ADAMTS12: variants seen among roughly 807,000 people sequenced by gnomAD.
The protein encoded by ADAMTS12 is ADAM metallopeptidase with thrombospondin type 1 motif 12.
In ADAMTS12, 118 loss-of-function variants were observed where a neutral mutation model predicts 167.8. The ratio of observed to expected loss-of-function variants is 0.70; its 90% CI spans 0.61 to 0.82. The LOEUF (loss-of-function observed/expected upper bound fraction) is 0.82. Ranked by LOEUF, ADAMTS12 falls within the 40% of genes least tolerant of loss-of-function variation. The pLI is 0.00. For synonymous variants in ADAMTS12, 704 were observed against 716.9 expected (o/e 0.98, Z 0.29); for missense variants, 1,916 against 1,998.8 (o/e 0.96, Z 0.79).
chr5:33,600,919 T>C (rs901657241), intron 16 of ADAMTS12, among the ~76,000 whole-genome samples: 4 of 152,192 alleles, frequency 2.6e-5, no homozygotes, highest in Non-Finnish European at 5.9e-5. Context: ...GTCTCTCTTG[T>C]CAATGAGTCC....
At position 33,546,130 on chromosome 5, in the gene ADAMTS12, T is replaced by G. The variant is rs1244211383; in HGVS notation, c.4375A>C (p.Lys1459Gln). The change falls in exon 22 of 24, where the codon AAA (lysine) becomes CAA (glutamine). Residue 1459 changes from lysine to glutamine, a missense_variant. By Grantham distance (53) the Lys-to-Gln change is moderately conservative. Coordinates refer to ENST00000504830, the MANE Select transcript of ADAMTS12 (RefSeq NM_030955.4). ...CAAGACATGGTGGATGTGGGTCTTT[T>G]TGTCCAATCACAGAGGCCTCCTGGA... is the stretch of plus-strand genomic sequence containing the variant. ...FCPGGLCDWT[K>Q]RPTSTMSCNE... 6.2e-7 allele frequency: 1 copy of G among 1,614,080 alleles called. No individual in the cohort carries two copies. Among genetic ancestry groups the G allele is most frequent in the African/African-American group, 1.3e-5 (1 of 75,036 alleles).
At chr5:33,757,186 GA>G (rs1248493732) in intron 2 of ADAMTS12, among the ~76,000 whole-genome samples, 1 of 152,178 alleles carries the variant, frequency 6.6e-6, no homozygotes, top group East Asian at 1.9e-4. Flanking sequence ...GCAAAAATGT[GA>G]CCTACTTCAC....
intron 2 of ADAMTS12, among the ~76,000 whole-genome samples, chr5:33,832,767 C>T (rs1048390877): frequency 3.9e-5 from 6 of 152,242 alleles, no homozygotes; most frequent in Non-Finnish European, 7.4e-5. Context: ...AACTATAACC[C>T]ATACTTTGCT....
At chr5:33,845,513 A>G (rs1327119821) in intron 2 of ADAMTS12, among the ~76,000 whole-genome samples, 1 of 152,234 alleles carries the variant, frequency 6.6e-6, no homozygotes, top group African/African-American at 2.4e-5. Flanking sequence ...TTAAATAATG[A>G]TGTTACATTA....
chr5:33,775,709 C>G (rs1745889952), intron 2 of ADAMTS12, among the ~76,000 whole-genome samples: 1 of 152,170 alleles, frequency 6.6e-6, no homozygotes, highest in South Asian at 2.1e-4. Flanking sequence ...CTCCACATGA[C>G]CCACATCACC....
chr5:33,608,766 G>A (rs1014691646), intron 16 of ADAMTS12, among the ~76,000 whole-genome samples: 2 of 152,180 alleles, frequency 1.3e-5, no homozygotes, highest in Non-Finnish European at 2.9e-5. Context: ...CTTAGTCCCG[G>A]CCCTCCTATT....
intron 2 of ADAMTS12, among the ~76,000 whole-genome samples, chr5:33,768,663 A>T (rs563981238): frequency 6.6e-6 from 1 of 152,160 alleles, no homozygotes; most frequent in Non-Finnish European, 1.5e-5. Context: ...TGTCTTTTAT[A>T]GTAGTTGTGG....
At chr5:33,584,363 T>C (rs181381162) in intron 18 of ADAMTS12, among the ~76,000 whole-genome samples, 1 of 149,246 alleles carries the variant, frequency 6.7e-6, no homozygotes, top group East Asian at 1.9e-4. Context: ...ATGCATGAGG[T>C]TTTTTTTTTC....
chr5:33,578,314 T>C (rs1185590175), intron 18 of ADAMTS12, among the ~76,000 whole-genome samples: 4 of 152,216 alleles, frequency 2.6e-5, no homozygotes. Context: ...GGAACTGTTA[T>C]TCTGCCTCCC....
At chr5:33,734,840 G>A (rs1056834624) in intron 3 of ADAMTS12, among the ~76,000 whole-genome samples, 1 of 152,210 alleles carries the variant, frequency 6.6e-6, no homozygotes, top group African/African-American at 2.4e-5. Flanking sequence ...CCTGGCTGAA[G>A]GAGGAGCTTG....
At chr5:33,755,194 A>C (rs774436009) in intron 2 of ADAMTS12, among the ~76,000 whole-genome samples, 2 of 152,212 alleles carry the variant, frequency 1.3e-5, no homozygotes, top group Non-Finnish European at 2.9e-5. Context: ...CAAACACAAA[A>C]AGGCTACTAG....
intron 2 of ADAMTS12, among the ~76,000 whole-genome samples, chr5:33,764,587 G>A (rs979657704): frequency 6.6e-6 from 1 of 152,156 alleles, no homozygotes; most frequent in African/African-American, 2.4e-5. Context: ...AGTGGAAAAA[G>A]AATAACTTTT....
At chr5:33,584,897 G>A (rs138879330) in intron 18 of ADAMTS12, among the ~76,000 whole-genome samples, 2 of 152,090 alleles carry the variant, frequency 1.3e-5, no homozygotes, top group East Asian at 1.9e-4. Flanking sequence ...TGCAATACAA[G>A]TTTATGCAAT....
At chr5:33,596,400 G>T (rs1737878934) in intron 16 of ADAMTS12, among the ~76,000 whole-genome samples, 1 of 152,180 alleles carries the variant, frequency 6.6e-6, no homozygotes, top group Non-Finnish European at 1.5e-5. Context: ...AATGAAAGTA[G>T]GTTGGGCGCA....
intron 3 of ADAMTS12, among the ~76,000 whole-genome samples, chr5:33,748,389 C>T (rs528868506): frequency 6.6e-6 from 1 of 152,226 alleles, no homozygotes; most frequent in East Asian, 1.9e-4. Context: ...GCTTAGCAAA[C>T]ATAAGGCTTA....
intron 2 of ADAMTS12, among the ~76,000 whole-genome samples, chr5:33,878,278 C>T (rs962350668): frequency 8.3e-5 from 9 of 108,660 alleles, no homozygotes; most frequent in African/African-American, 5.0e-4. Flanking sequence ...GCTTTGGGTG[C>T]CTTTTTTTTT....
rs751108294 is a variant in ADAMTS12, at chr5:33,561,151, T to C, written c.4001A>G (p.Tyr1334Cys). The C allele has an allele frequency of 1.2e-6, 2 of 1,614,072 alleles. No homozygotes were observed. ...GGTGCTGCACTCCACCCTTCTCCAG[T>C]AGGCCCCCAGGCCACATGTGGTGGA... The part of the protein sequence containing the change: ...ECSTTCGLGA[Y>C]WRRVECSTQM... Residue 1334 changes from tyrosine (Y) to cysteine (C), a missense_variant, in exon 20 of 24, where the codon TAC becomes TGC. Coordinates refer to ENST00000504830, the MANE Select transcript of ADAMTS12 (RefSeq NM_030955.4).
intron 3 of ADAMTS12, among the ~76,000 whole-genome samples, chr5:33,686,296 T>C (rs1742321886): frequency 6.6e-6 from 1 of 152,162 alleles, no homozygotes; most frequent in African/African-American, 2.4e-5. Flanking sequence ...AGGCAAAGAC[T>C]GTGCTGTGCA....
At chr5:33,795,662 A>C (rs984177231) in intron 2 of ADAMTS12, among the ~76,000 whole-genome samples, 3 of 152,152 alleles carry the variant, frequency 2.0e-5, no homozygotes. Context: ...ATGTGGAGGA[A>C]TGGGGGAGCT....
Sources: allele counts gnomAD v4.1 joint callset (sites outside exome capture counted in the v4.1 genomes callset), GRCh38; gene constraint gnomAD v4.1.1; transcripts MANE v1.5; gene names NCBI Gene and HGNC (gene_info 2026-07-23, HGNC 2026-07-21).